N4BP2L2: variants seen among roughly 807,000 people sequenced by gnomAD.
N4BP2L2 encodes NEDD4-binding protein 2-like 2.
N4BP2L2 carries 50 observed loss-of-function variants against 56.2 expected under a neutral mutation model. The observed-to-expected ratio is 0.89, with a 90% CI of 0.71 to 1.13. The LOEUF is 1.13. Among genes scored for constraint, N4BP2L2 ranks in the 50% most tolerant of loss-of-function variants. The pLI, the probability that N4BP2L2 is intolerant of heterozygous loss-of-function variation, is 0.00. For missense variants in N4BP2L2, 689 were observed against 693.8 expected (o/e 0.99, Z 0.08); for synonymous variants, 203 against 223.6 (o/e 0.91, Z 0.82).
chr13:32,467,251 A>G (rs2081392025), intron 6 of N4BP2L2, among the ~76,000 whole-genome samples: 1 of 150,338 alleles, frequency 6.7e-6, no homozygotes. Flanking sequence ...TGTTATTATG[A>G]GAGAGGGGCA....
At chr13:32,442,426 T>C in exon 7 of N4BP2L2, 2 of 1,603,834 alleles carry the variant, frequency 1.2e-6, no homozygotes, top group Non-Finnish European at 1.7e-6. Flanking sequence ...CTTTACTAAT[T>C]GAAAGGCAAA....
exon 7 of N4BP2L2, chr13:32,443,727 T>A (rs1475902793): frequency 6.3e-7 from 1 of 1,579,020 alleles, no homozygotes; most frequent in South Asian, 1.2e-5. Flanking sequence ...TAACGGAGAT[T>A]TCATTTGGCC....
intron 6 of N4BP2L2, among the ~76,000 whole-genome samples, chr13:32,474,421 G>A (rs1033223768): frequency 7.2e-5 from 11 of 152,016 alleles, no homozygotes; most frequent in Non-Finnish European, 1.3e-4. Context: ...CTATCACAGT[G>A]GCTCACGCCT....
intron 6 of N4BP2L2, among the ~76,000 whole-genome samples, chr13:32,453,751 T>G (rs1169675102): frequency 6.6e-6 from 1 of 152,216 alleles, no homozygotes; most frequent in Non-Finnish European, 1.5e-5. Context: ...AGATTTTTAG[T>G]ACCAAGGGTG....
chr13:32,466,314 C>T (rs1310289113), intron 6 of N4BP2L2, among the ~76,000 whole-genome samples: 3 of 152,038 alleles, frequency 2.0e-5, no homozygotes, highest in Non-Finnish European at 4.4e-5. Flanking sequence ...CCCCTATAAT[C>T]CCAGGACTTT....
chr13:32,487,769 C>A (rs2086209150), intron 6 of N4BP2L2, among the ~76,000 whole-genome samples: 1 of 152,104 alleles, frequency 6.6e-6, no homozygotes, highest in South Asian at 2.1e-4. Context: ...AAATATGAAT[C>A]ATTTCTTATT....
At chr13:32,532,008 C>T (rs375544225) in intron 2 of N4BP2L2, among the ~76,000 whole-genome samples, 3 of 152,266 alleles carry the variant, frequency 2.0e-5, no homozygotes, top group African/African-American at 7.2e-5. Flanking sequence ...TGGTCTTAAC[C>T]CTTCTCTGAC....
chr13:32,478,726 T>C (rs1041791307), intron 6 of N4BP2L2: 1 of 152,332 alleles, frequency 6.6e-6, no homozygotes, highest in Non-Finnish European at 1.5e-5. Flanking sequence ...CTGAGAATTC[T>C]CTGTGTTGTG....
intron 6 of N4BP2L2, among the ~76,000 whole-genome samples, chr13:32,467,963 A>T (rs1392487858): frequency 6.6e-6 from 1 of 151,626 alleles, no homozygotes; most frequent in African/African-American, 2.4e-5. Context: ...GCTCTGTTGC[A>T]TAGGCAACAG....
At chr13:32,510,999 G>C (rs1593979532) in exon 6 of N4BP2L2, 1 of 151,062 alleles carries the variant, frequency 6.6e-6, no homozygotes, top group Non-Finnish European at 1.5e-5. Context: ...TAACTATGTG[G>C]TTAAAAAAAA....
intron 6 of N4BP2L2, among the ~76,000 whole-genome samples, chr13:32,480,408 A>G (rs1384789769): frequency 1.3e-5 from 2 of 152,242 alleles, no homozygotes; most frequent in Non-Finnish European, 1.5e-5. Flanking sequence ...TCAGATAAAG[A>G]GTCCAGATTA....
exon 2 of N4BP2L2, chr13:32,535,802 C>T: frequency 6.2e-7 from 1 of 1,614,054 alleles, no homozygotes; most frequent in South Asian, 1.1e-5. Flanking sequence ...ACCAGGCAGA[C>T]CTCTTAAAAG....
chr13:32,484,620 A>T (rs1010487666), intron 6 of N4BP2L2, among the ~76,000 whole-genome samples: 3 of 151,934 alleles, frequency 2.0e-5, no homozygotes, highest in Non-Finnish European at 4.4e-5. Context: ...AGTAGCTGGG[A>T]TTACTGGCAC....
intron 6 of N4BP2L2, among the ~76,000 whole-genome samples, chr13:32,481,339 C>T (rs575327906): frequency 2.0e-5 from 3 of 152,212 alleles, no homozygotes; most frequent in South Asian, 2.1e-4. Context: ...TATCTGCCAG[C>T]AATGGCTCCT....
rs764197142 is a variant in N4BP2L2, at chr13:32,522,282, T to C, written c.1385-12A>G. On this transcript the variant is annotated splice_polypyrimidine_tract_variant and intron_variant, in intron 3 of 5. Coordinates refer to ENST00000267068, the Ensembl canonical transcript of N4BP2L2. ...GATAGCTTGTTTTGCTGAAATAAAATATAAATTTAAAAATAAAAAAACAAA... is the reference window on the plus strand; with the variant it reads ...GATAGCTTGTTTTGCTGAAATAAAACATAAATTTAAAAATAAAAAAACAAA... 4 of 1,464,840 alleles carry C rather than the reference T, an allele frequency of 2.7e-6. No individual in the cohort carries two copies. The highest frequency in any genetic ancestry group is 1.4e-5 in the African/African-American group (1 of 69,482). The allele number at this position is 1,464,840 out of a possible 1,614,324, so 90.7% of individuals were successfully genotyped here.
chr13:32,519,330 G>A (rs2050136995), intron 5 of N4BP2L2, among the ~76,000 whole-genome samples: 1 of 151,902 alleles, frequency 6.6e-6, no homozygotes, highest in Non-Finnish European at 1.5e-5. Context: ...GATCGCTTGA[G>A]TCCAGGAGGA....
intron 9 of N4BP2L2, among the ~76,000 whole-genome samples, chr13:32,435,880 AT>A (rs2075414178): frequency 1.3e-5 from 2 of 152,204 alleles, no homozygotes; most frequent in Non-Finnish European, 2.9e-5. Flanking sequence ...AGCTGTGTTT[AT>A]TTCATAATTT....
At chr13:32,537,676 G>T (rs1045021620) in intron 1 of N4BP2L2, among the ~76,000 whole-genome samples, 2 of 152,174 alleles carry the variant, frequency 1.3e-5, no homozygotes, top group Admixed American at 1.3e-4. Context: ...GATAACTTAA[G>T]TTGTAATGAT....
intron 6 of N4BP2L2, among the ~76,000 whole-genome samples, chr13:32,487,345 A>G (rs1330043866): frequency 6.6e-6 from 1 of 151,744 alleles, no homozygotes; most frequent in Non-Finnish European, 1.5e-5. Context: ...GCATGGTGGC[A>G]TGTACCTGTG....
Sources: gnomAD v4.1 joint callset for allele counts (sites outside exome capture counted in the v4.1 genomes callset) on GRCh38, gnomAD v4.1.1 for gene constraint, MANE v1.5 for transcripts, NCBI Gene and HGNC (gene_info 2026-07-23, HGNC 2026-07-21) for gene names.